Variants in RAB3GAP2 observed in about 807,000 individuals in gnomAD.
RAB3GAP2 encodes RAB3 GTPase activating non-catalytic protein subunit 2.
In RAB3GAP2, 87 loss-of-function variants were observed where a neutral mutation model predicts 185.3. The observed-to-expected ratio is 0.47, with a 90% CI of 0.39 to 0.56. The LOEUF (loss-of-function observed/expected upper bound fraction) is 0.56, where lower values mean the gene tolerates loss of function less well. Ranked by LOEUF, RAB3GAP2 falls within the 20% of genes least tolerant of loss-of-function variation. The pLI is 0.00. For missense variants in RAB3GAP2, 1,492 were observed against 1,638.2 expected (o/e 0.91, Z 1.54); for synonymous variants, 554 against 576.1 (o/e 0.96, Z 0.55).
chr1:220,183,712 T>C (rs1658455114), intron 19 of RAB3GAP2, among the ~76,000 whole-genome samples: 1 of 151,980 alleles, frequency 6.6e-6, no homozygotes, highest in Non-Finnish European at 1.5e-5. Context: ...CATAGAAAAA[T>C]ATTCTCATTG....
At chr1:220,267,779 C>T in intron 1 of RAB3GAP2, 1 of 1,508,820 alleles carries the variant, frequency 6.6e-7, no homozygotes, top group South Asian at 1.1e-5. Context: ...GACACAAGAC[C>T]CACTGAGCCT....
At chr1:220,251,379 G>A (rs536748822) in intron 1 of RAB3GAP2, among the ~76,000 whole-genome samples, 40 of 152,274 alleles carry the variant, frequency 2.6e-4, no homozygotes, top group Non-Finnish European at 4.4e-4. Context: ...TAAGAGATAT[G>A]ATTATATAAA....
At chr1:220,269,307 T>G (rs1660289721) in intron 1 of RAB3GAP2, among the ~76,000 whole-genome samples, 1 of 152,120 alleles carries the variant, frequency 6.6e-6, no homozygotes, top group Admixed American at 6.5e-5. Flanking sequence ...GCATAAGAAA[T>G]AAGGGGAGAG....
chr1:220,202,632 G>GACT (rs1369732067), intron 8 of RAB3GAP2, among the ~76,000 whole-genome samples: 2 of 152,010 alleles, frequency 1.3e-5, no homozygotes, highest in African/African-American at 4.8e-5. Flanking sequence ...AAAAATCCTA[G>GACT]ACTACTACTA....
intron 1 of RAB3GAP2, among the ~76,000 whole-genome samples, chr1:220,235,686 G>A (rs980072792): frequency 3.9e-5 from 6 of 152,094 alleles, no homozygotes; most frequent in African/African-American, 7.2e-5. Context: ...TATAAAAAGT[G>A]TGTTATTTCT....
chr1:220,162,276 G>A lies in RAB3GAP2; in HGVS notation c.3155-8C>T, dbSNP rs768151640. On this transcript the variant is annotated splice_polypyrimidine_tract_variant and splice_region_variant and intron_variant, in intron 27 of 34. Transcript: ENST00000358951. The stretch of plus-strand genomic sequence containing the variant: ...ACATCATCAGTGCAATGCCTAGATA[G>A]CAAGTAAAAGTAGTAAATAGAATGC... 2 of 1,567,142 alleles carry A rather than the reference G, an allele frequency of 1.3e-6. No homozygotes were observed. The highest frequency in any genetic ancestry group is 1.8e-6 in the Non-Finnish European group (2 of 1,137,736).
At chr1:220,236,806 A>G (rs773067278) in intron 1 of RAB3GAP2, among the ~76,000 whole-genome samples, 3 of 152,168 alleles carry the variant, frequency 2.0e-5, no homozygotes, top group Admixed American at 6.6e-5. Flanking sequence ...GTATTCTTTA[A>G]TCAATATCAT....
chr1:220,157,626 C>T (rs1429358961), intron 30 of RAB3GAP2, 138 bp from the exon 31 acceptor site: 2 of 1,076,834 alleles, frequency 1.9e-6, no homozygotes, highest in African/African-American at 3.2e-5. Context: ...AACACAAAGT[C>T]TAATTTCAAT....
chr1:220,238,344 A>C (rs1017736294), intron 1 of RAB3GAP2, among the ~76,000 whole-genome samples: 1 of 152,174 alleles, frequency 6.6e-6, no homozygotes, highest in African/African-American at 2.4e-5. Flanking sequence ...GCTAGTGGCT[A>C]CAGTATAAGA....
chr1:220,272,120 A>G, intron 1 of RAB3GAP2, 103 bp downstream of exon 1: 2 of 994,572 alleles, frequency 2.0e-6, no homozygotes, highest in East Asian at 2.6e-5. Flanking sequence ...CTGGGGGTCC[A>G]GAGGGCAGAG....
intron 6 of RAB3GAP2, 130 bp from the exon 7 acceptor site, chr1:220,210,619 A>G (rs1200748354): frequency 1.2e-5 from 12 of 965,632 alleles, no homozygotes; most frequent in African/African-American, 6.5e-5. Flanking sequence ...TTCAGAATAC[A>G]GCTCCTCTTC....
intron 33 of RAB3GAP2, among the ~76,000 whole-genome samples, chr1:220,152,233 G>A (rs1433269803): frequency 6.6e-5 from 10 of 152,076 alleles, no homozygotes; most frequent in South Asian, 2.1e-4. Context: ...ATGCCACCAC[G>A]CCCAGCTAAT....
intron 17 of RAB3GAP2, among the ~76,000 whole-genome samples, chr1:220,187,195 C>T (rs1200830542): frequency 1.3e-5 from 2 of 152,156 alleles, no homozygotes; most frequent in African/African-American, 4.8e-5. Context: ...GGCCCCAGTA[C>T]CTGACACAGA....
chr1:220,248,836 T>C (rs1223320915), intron 1 of RAB3GAP2, among the ~76,000 whole-genome samples: 8 of 152,274 alleles, frequency 5.3e-5, no homozygotes, highest in Admixed American at 3.3e-4. Context: ...TCACGAGATC[T>C]GATGGTTTTG....
Position 220,190,097 on chromosome 1 carries a change from C to T in RAB3GAP2, c.1681G>A (p.Ala561Thr). Residue 561 changes from alanine (A) to threonine (T), a missense_variant, in exon 16 of 35, where the codon GCA (alanine) becomes ACA (threonine). Transcript: ENST00000358951. Reference sequence around the variant, plus strand: ...GGAGATTTTGTTTTCAGTAAGGCTGCTAGTTTCTTCACTAGGTGCATATCC... The same window carrying T: ...GGAGATTTTGTTTTCAGTAAGGCTGTTAGTTTCTTCACTAGGTGCATATCC... ...AKDMHLVKKL[A>T]ALLKTKSPNL... 1 of 1,613,582 alleles carries T rather than the reference C, an allele frequency of 6.2e-7. No individual in the cohort carries two copies. Among genetic ancestry groups the T allele is most frequent in the African/African-American group, 1.3e-5 (1 of 75,020 alleles).
intron 4 of RAB3GAP2, among the ~76,000 whole-genome samples, 157 bp downstream of exon 4, chr1:220,212,730 T>C (rs1571903811): frequency 6.6e-6 from 1 of 152,306 alleles, no homozygotes; most frequent in East Asian, 1.9e-4. Context: ...TGGGCTCAAA[T>C]GATCTTCCTG....
intron 21 of RAB3GAP2, among the ~76,000 whole-genome samples, chr1:220,181,697 T>C (rs1222261880): frequency 2.6e-5 from 4 of 152,164 alleles, no homozygotes; most frequent in Non-Finnish European, 4.4e-5. Flanking sequence ...CGCATATAGA[T>C]GGGTGCACAC....
Position 220,210,427 on chromosome 1 carries a change from T to C in RAB3GAP2, c.573A>G (p.Arg191=). The change falls in exon 7 of 35, where the codon AGA becomes AGG. Residue 191 remains arginine (R), a synonymous_variant. Transcript: ENST00000358951. ...CGGGATGTCGTGGTATTTCATAGGT[T>C]CTGCATTTAAGTTGAAGTACTGGGT... ...NEDPVLQLKC[R]TYEIPRHPGV... is the part of the protein sequence containing the mutation. 1 of 1,614,140 alleles carries C rather than the reference T, an allele frequency of 6.2e-7. No homozygotes were observed. The highest frequency in any genetic ancestry group is 8.5e-7 in the Non-Finnish European group (1 of 1,179,976).
intron 1 of RAB3GAP2, among the ~76,000 whole-genome samples, chr1:220,237,377 T>C (rs1659612662): frequency 6.6e-6 from 1 of 152,254 alleles, no homozygotes; most frequent in Admixed American, 6.5e-5. Context: ...TGTTATCAAC[T>C]GCCTATGTCT....
Sources: allele counts gnomAD v4.1 joint callset (sites outside exome capture counted in the v4.1 genomes callset), GRCh38; gene constraint gnomAD v4.1.1; transcripts MANE v1.5; gene names NCBI Gene and HGNC (gene_info 2026-07-23, HGNC 2026-07-21).